The following ABCA4 variants were observed in gnomAD, a reference collection of about 807,000 sequenced individuals.
The protein encoded by ABCA4 is retinal-specific phospholipid-transporting ATPase ABCA4.
In ABCA4, 196 loss-of-function variants were observed where a neutral mutation model predicts 263.7. That is an observed-to-expected ratio of 0.74 (90% CI 0.66 to 0.84). The LOEUF is 0.84. Among genes scored for constraint, ABCA4 ranks in the 40% least tolerant of loss-of-function variants. The pLI, the probability that ABCA4 is intolerant of heterozygous loss-of-function variation, is 0.00. For synonymous variants in ABCA4, 1,133 were observed against 1,094.2 expected (o/e 1.04, Z -0.70); for missense variants, 2,792 against 2,855.1 (o/e 0.98, Z 0.50).
Position 94,029,505 on chromosome 1 carries a change from C to T in ABCA4, c.4479G>A (p.Arg1493=), listed in dbSNP as rs200156177. 6.2e-7 allele frequency: 1 copy of T among 1,600,708 alleles called. No individual in the cohort carries two copies. Among genetic ancestry groups the T allele is most frequent in the Non-Finnish European group, 8.5e-7 (1 of 1,172,794 alleles). ...ACTCTGGCAGCATGGTGAGCTTCTC[C>T]CTGGTGCTGCACCTGCAGGATGGTG... ...NPSPSCRCST[R]EKLTMLPECP... Residue 1493 remains arginine, a synonymous_variant, in exon 30 of 50, where the codon AGG becomes AGA. Coordinates refer to ENST00000370225, the MANE Select transcript of ABCA4 (RefSeq NM_000350.3).
chr1:94,025,191 G>A (rs746337441), intron 30 of ABCA4, 143 bp from the exon 31 acceptor site: 26 of 745,208 alleles, frequency 3.5e-5, no homozygotes, highest in Admixed American at 2.8e-4. Flanking sequence ...CATCTCCCTA[G>A]TTCTCACTTC....
At chr1:94,088,009 A>G (rs1046718734) in intron 6 of ABCA4, among the ~76,000 whole-genome samples, 1 of 152,064 alleles carries the variant, frequency 6.6e-6, no homozygotes, top group Non-Finnish European at 1.5e-5. Flanking sequence ...GCTACAGTCT[A>G]ATTTCTCTCT....
At chr1:94,114,859 G>A (rs1443584845) in intron 1 of ABCA4, among the ~76,000 whole-genome samples, 1 of 152,220 alleles carries the variant, frequency 6.6e-6, no homozygotes, top group African/African-American at 2.4e-5. Context: ...GCCCTCAAGG[G>A]CAGTAAGCTT....
At chr1:94,074,824 G>A (rs888560493) in intron 11 of ABCA4, among the ~76,000 whole-genome samples, 1 of 152,174 alleles carries the variant, frequency 6.6e-6, no homozygotes, top group Non-Finnish European at 1.5e-5. Context: ...TCCCATTACT[G>A]GGTATATAAC....
chr1:94,113,066 T>C lies in ABCA4; in HGVS notation c.67A>G (p.Ile23Val), dbSNP rs756045993. The change falls in exon 2 of 50, where the codon ATT becomes GTT. Residue 23 changes from isoleucine to valine, a missense_variant and splice_region_variant. Coordinates refer to ENST00000370225, the MANE Select transcript of ABCA4 (RefSeq NM_000350.3). The part of the protein sequence containing the change: ...KNWTLRKRQK[I>V]RFVVELVWPL... ...CACACGAGTTCCACCACAAAGCGAATCTGGAAAAACAAAACAAAAAGAGAG... is the reference window on the plus strand; with the variant it reads ...CACACGAGTTCCACCACAAAGCGAACCTGGAAAAACAAAACAAAAAGAGAG... 1.4e-5 allele frequency: 22 copies of C among 1,613,870 alleles called. 1 individual carries two copies. The South Asian group carries it at 2.2e-4, about 16-fold the overall frequency.
Position 94,047,054 on chromosome 1 carries a change from C to T in ABCA4, c.2783G>A (p.Gly928Glu). Reference sequence around the variant, plus strand: ...CTTTACCAGATTCTTCACGCATACCCCAGGAACCCACCCTGGATGCTCACG... The same window carrying T: ...CTTTACCAGATTCTTCACGCATACCTCAGGAACCCACCCTGGATGCTCACG... Reference protein sequence around the residue: ...FEREHPGWVPGVCVKNLVKIF... With the variant: ...FEREHPGWVPEVCVKNLVKIF... The change falls in exon 19 of 50, where the codon GGG becomes GAG. Residue 928 changes from glycine to glutamate, a missense_variant. Physicochemically the swap from Gly to Glu is moderately conservative, Grantham distance 98. Coordinates refer to ENST00000370225, the MANE Select transcript of ABCA4 (RefSeq NM_000350.3). The T allele has an allele frequency of 6.2e-7, 1 of 1,614,132 alleles. No homozygotes were observed. Among genetic ancestry groups the T allele is most frequent in the East Asian group, 2.2e-5 (1 of 44,860 alleles).
At chr1:94,012,472 A>G (rs1226613157) in intron 38 of ABCA4, among the ~76,000 whole-genome samples, 3 of 152,178 alleles carry the variant, frequency 2.0e-5, no homozygotes, top group Non-Finnish European at 4.4e-5. Context: ...AATTTTTTAA[A>G]AATCTGCCTA....
chr1:94,063,262 C>T lies in ABCA4; in HGVS notation c.1610G>A (p.Arg537His), dbSNP rs61752395. 1,903 of 1,614,098 alleles carry T rather than the reference C, an allele frequency of 1.2e-3. 9 individuals carry two copies. Among genetic ancestry groups the T allele is most frequent in the Non-Finnish European group, 8.5e-4 (1,008 of 1,180,024 alleles). ...GTTTTCCTCCAGTAGAGAGAGGGCA[C>T]GTTGGGTGAGCTGAGTTTCATCATT... is the stretch of plus-strand genomic sequence containing the variant. Reference protein sequence around the residue: ...SYNDETQLTQRALSLLEENMF... With the variant: ...SYNDETQLTQHALSLLEENMF... The change falls in exon 12 of 50, where the codon CGT becomes CAT. Residue 537 changes from arginine (R) to histidine (H), a missense_variant. Physicochemically the swap from Arg to His is conservative, Grantham distance 29. Coordinates refer to ENST00000370225, the MANE Select transcript of ABCA4 (RefSeq NM_000350.3).
chr1:94,018,910 A>G (rs372737854), intron 36 of ABCA4, among the ~76,000 whole-genome samples: 4 of 150,684 alleles, frequency 2.7e-5, no homozygotes, highest in African/African-American at 9.8e-5. Flanking sequence ...GCGGTGGTTA[A>G]TCTAATAAGT....
chr1:94,088,681 G>A (rs1434449934), intron 6 of ABCA4, among the ~76,000 whole-genome samples: 1 of 152,214 alleles, frequency 6.6e-6, no homozygotes, highest in Non-Finnish European at 1.5e-5. Flanking sequence ...TGCTGGGAAT[G>A]AGTGTGGGGT....
At chr1:94,062,506 C>A in intron 13 of ABCA4, 71 bp downstream of exon 13, 1 of 1,548,808 alleles carries the variant, frequency 6.5e-7, no homozygotes, top group Non-Finnish European at 8.9e-7. Context: ...AGGGCACCCC[C>A]AGCCCACCCC....
intron 6 of ABCA4, among the ~76,000 whole-genome samples, chr1:94,091,499 A>G (rs1661966201): frequency 6.6e-6 from 1 of 152,066 alleles, no homozygotes. Context: ...GAACCGGAAG[A>G]GACTGTAAGT....
At chr1:93,994,705 A>G (rs1658949139) in intron 49 of ABCA4, among the ~76,000 whole-genome samples, 1 of 152,250 alleles carries the variant, frequency 6.6e-6, no homozygotes, top group Non-Finnish European at 1.5e-5. Context: ...AAATATGCCA[A>G]TAAGTGTGTT....
In ABCA4 at chr1:94,069,075, A is replaced by G. The variant is rs535483511; in HGVS notation, c.1555-5758T>C. Among the ~76,000 whole-genome samples the G allele has an allele frequency of 1.8e-4, 28 of 152,352 alleles. No individual in the cohort carries two copies. In the South Asian group the frequency reaches 5.8e-3, roughly 32 times the overall value. ...GTTTTGCTGGCACTCACCAGGAAGC[A>G]GAGTTCACCCTGGCGGAAGAGGTTT... is the stretch of plus-strand genomic sequence containing the variant. On this transcript the variant is annotated intron_variant, in intron 11 of 49. Transcript: ENST00000370225.
intron 14 of ABCA4, among the ~76,000 whole-genome samples, chr1:94,057,596 C>A (rs1661016731): frequency 6.6e-6 from 1 of 152,158 alleles, no homozygotes; most frequent in Non-Finnish European, 1.5e-5. Context: ...GTAATTAATC[C>A]AAATCACTTG....
intron 35 of ABCA4, among the ~76,000 whole-genome samples, chr1:94,020,536 GAATT>G (rs147372669): frequency 0.023 from 3,439 of 152,330 alleles, 138 homozygotes; most frequent in African/African-American, 0.079. Context: ...GGCTGAGTGA[GAATT>G]AACAGAGGAC....
At chr1:94,038,970 G>A (rs1018777960) in intron 24 of ABCA4, among the ~76,000 whole-genome samples, 3 of 152,102 alleles carry the variant, frequency 2.0e-5, no homozygotes, top group Admixed American at 1.3e-4. Context: ...TAGAAATAAA[G>A]TAATTTAAAA....
rs773880325 is a variant in ABCA4 at position 94,021,262 on chromosome 1, C to T, written c.4996G>A (p.Glu1666Lys). The T allele has an allele frequency of 2.0e-5, 33 of 1,614,054 alleles. No homozygotes were observed. The Admixed American group carries it at 5.0e-4, about 24-fold the overall frequency. The change falls in exon 35 of 50, where the codon GAG becomes AAG. Residue 1666 changes from glutamate (E) to lysine (K), a missense_variant. Coordinates refer to ENST00000370225, the MANE Select transcript of ABCA4 (RefSeq NM_000350.3). Reference sequence around the variant, plus strand: ...TACACTGTAATCTCTGAGAGCTGCTCCTTGGTCAGGTTCAGGGGTTGGCTA... The same window carrying T: ...TACACTGTAATCTCTGAGAGCTGCTTCTTGGTCAGGTTCAGGGGTTGGCTA... Reference protein sequence around the residue: ...VISQPLNLTKEQLSEITVLTT... With the variant: ...VISQPLNLTKKQLSEITVLTT...
intron 10 of ABCA4, 148 bp downstream of exon 10, chr1:94,078,442 G>T: frequency 1.5e-6 from 1 of 655,992 alleles, no homozygotes. Flanking sequence ...GTGACTGCTT[G>T]GAATGAAGGC....
Sources: gnomAD v4.1 joint callset for allele counts (sites outside exome capture counted in the v4.1 genomes callset) on GRCh38, gnomAD v4.1.1 for gene constraint, MANE v1.5 for transcripts, NCBI Gene and HGNC (gene_info 2026-07-23, HGNC 2026-07-21) for gene names.